Variants in PAGE2B observed in about 807,000 individuals in gnomAD.
PAGE2B encodes the protein PAGE family member 2B.
PAGE2B carries 5 observed loss-of-function variants against 7.6 expected under a neutral mutation model. That is an observed-to-expected ratio of 0.66 (90% confidence interval 0.34 to 1.38). The LOEUF (loss-of-function observed/expected upper bound fraction) is 1.38. PAGE2B is among the 40% of genes most tolerant of loss of function. The pLI, the probability that PAGE2B is intolerant of heterozygous loss-of-function variation, is 0.04. For synonymous variants in PAGE2B, 29 were observed against 26.7 expected (o/e 1.09, Z -0.27); for missense variants, 70 against 78.4 (o/e 0.89, Z 0.41).
At chrX:55,057,893 T>G in the PAGE2B span, among the ~76,000 whole-genome samples, 1 of 112,010 alleles carries the variant, frequency 8.9e-6, no homozygotes, top group Non-Finnish European at 1.9e-5. Context: ...TAGCCAGTTA[T>G]TCCATTTCAC....
chrX:55,028,395 TAA>T, the PAGE2B span, among the ~76,000 whole-genome samples: 2 of 111,030 alleles, frequency 1.8e-5, no homozygotes, highest in African/African-American at 6.6e-5. Context: ...CAGGCTCCTG[TAA>T]ACTCCCCTAA....
chrX:55,038,657 T>C, the PAGE2B span, among the ~76,000 whole-genome samples: 2 of 111,928 alleles, frequency 1.8e-5, no homozygotes, highest in Middle Eastern at 9.1e-3. Context: ...ATAAATAAGA[T>C]GATGGAGTTG....
chrX:55,041,873 C>T, the PAGE2B span, among the ~76,000 whole-genome samples: 1 of 111,355 alleles, frequency 9.0e-6, no homozygotes, highest in Non-Finnish European at 1.9e-5. Context: ...AGCTCAGACC[C>T]GGCAGCAAAA....
Position 55,077,426 on chromosome X carries a change from A to G in PAGE2B, c.221A>G (p.Glu74Gly). 8.3e-7 allele frequency: 1 copy of G among 1,211,616 alleles called. No homozygotes were observed. Among genetic ancestry groups the G allele is most frequent in the Non-Finnish European group, 1.1e-6 (1 of 895,410 alleles). Residue 74 changes from glutamate to glycine, a missense_variant, in exon 4 of 5, where the codon GAA becomes GGA. Coordinates refer to ENST00000374971, the MANE Select transcript of PAGE2B (RefSeq NM_001015038.3). ...CCTGACATGGAAGCTTTTCAACAGGAACTGGCTCTGCTTAAGATAGAGGAT... is the reference window on the plus strand; with the variant it reads ...CCTGACATGGAAGCTTTTCAACAGGGACTGGCTCTGCTTAAGATAGAGGAT... The part of the protein sequence containing the change: ...QGPDMEAFQQ[E>G]LALLKIEDEP...
the PAGE2B span, among the ~76,000 whole-genome samples, chrX:55,063,801 A>T: frequency 9.0e-6 from 1 of 111,454 alleles, no homozygotes; most frequent in Non-Finnish European, 1.9e-5. Flanking sequence ...TTTCAGCATC[A>T]ATTGAAATGA....
chrX:55,063,142 A>G, the PAGE2B span, among the ~76,000 whole-genome samples: 6 of 111,342 alleles, frequency 5.4e-5, no homozygotes, highest in Non-Finnish European at 9.4e-5. Flanking sequence ...GAAGAATATC[A>G]TTGGTATTTT....
the PAGE2B span, among the ~76,000 whole-genome samples, chrX:55,034,225 C>T: frequency 1.3e-4 from 15 of 111,697 alleles, no homozygotes; most frequent in East Asian, 2.8e-4. Flanking sequence ...ATGTCCCAGA[C>T]GTGCTGTGGT....
chrX:55,030,104 T>A, the PAGE2B span, among the ~76,000 whole-genome samples: 1 of 111,289 alleles, frequency 9.0e-6, no homozygotes, highest in South Asian at 3.8e-4. Flanking sequence ...GAACTTTAGA[T>A]AACTGTAATC....
the PAGE2B span, among the ~76,000 whole-genome samples, chrX:55,062,362 T>G: frequency 8.9e-6 from 1 of 112,095 alleles, no homozygotes; most frequent in African/African-American, 3.2e-5. Context: ...ATATTGAGCA[T>G]CTTTTCATAT....
At chrX:55,060,863 A>G in the PAGE2B span, among the ~76,000 whole-genome samples, 40 of 111,189 alleles carry the variant, frequency 3.6e-4, no homozygotes, top group Admixed American at 3.7e-3. Flanking sequence ...ACCAAATTGA[A>G]AAGTGTGTCT....
At chrX:55,075,957 C>G in intron 1 of PAGE2B, 77 bp from the exon 2 acceptor site, 1 of 949,585 alleles carries the variant, frequency 1.1e-6, no homozygotes, top group Non-Finnish European at 1.4e-6. Context: ...ATACAAATCA[C>G]CATTTTGCCA....
chrX:55,031,550 A>G, the PAGE2B span, among the ~76,000 whole-genome samples: 4 of 112,182 alleles, frequency 3.6e-5, no homozygotes, highest in Non-Finnish European at 7.5e-5. Flanking sequence ...ATTTAGCCAC[A>G]TAAGGACCTT....
At chrX:55,037,805 A>G in the PAGE2B span, among the ~76,000 whole-genome samples, 1 of 106,006 alleles carries the variant, frequency 9.4e-6, no homozygotes, top group Admixed American at 1.0e-4. Context: ...ACAAGGACAA[A>G]AAACCAAACA....
chrX:55,036,109 A>C, the PAGE2B span, among the ~76,000 whole-genome samples: 7 of 111,733 alleles, frequency 6.3e-5, no homozygotes, highest in East Asian at 1.4e-3. Context: ...TTTGTCTGTT[A>C]TTTGTGTATA....
At chrX:55,049,856 G>A in the PAGE2B span, among the ~76,000 whole-genome samples, 10 of 111,064 alleles carry the variant, frequency 9.0e-5, no homozygotes, top group Non-Finnish European at 1.7e-4. Flanking sequence ...CTAGCTTTTG[G>A]ATGTGTTTGC....
chrX:55,038,856 G>A, the PAGE2B span, among the ~76,000 whole-genome samples: 3,894 of 111,518 alleles, frequency 0.035, 175 homozygotes, highest in African/African-American at 0.12. Context: ...TAGCACTGAC[G>A]TCAAATAAAA....
chrX:55,036,189 G>A, the PAGE2B span, among the ~76,000 whole-genome samples: 2 of 111,937 alleles, frequency 1.8e-5, no homozygotes, highest in African/African-American at 6.5e-5. Flanking sequence ...ATCAGCTTAA[G>A]GAGATTTTGG....
At chrX:55,069,952 G>A in the PAGE2B span, among the ~76,000 whole-genome samples, 2 of 111,065 alleles carry the variant, frequency 1.8e-5, no homozygotes, top group African/African-American at 6.6e-5. Flanking sequence ...TATCAGTCTG[G>A]CTGGTGGTCT....
upstream of PAGE2B, among the ~76,000 whole-genome samples, chrX:55,070,919 A>G (rs1393098768): frequency 2.7e-5 from 3 of 111,084 alleles, no homozygotes; most frequent in Non-Finnish European, 5.6e-5. Flanking sequence ...TTTTGAGCCT[A>G]TGTGTGTCTT....
Sources: allele counts gnomAD v4.1 joint callset (sites outside exome capture counted in the v4.1 genomes callset), GRCh38; gene constraint gnomAD v4.1.1; transcripts MANE v1.5; gene names NCBI Gene and HGNC (gene_info 2026-07-23, HGNC 2026-07-21).